PIAS1: variants seen among roughly 807,000 people sequenced by gnomAD.
PIAS1 encodes E3 SUMO-protein ligase PIAS1.
In PIAS1, 6 loss-of-function variants were observed where a neutral mutation model predicts 71.3. The ratio of observed to expected loss-of-function variants is 0.08; its 90% CI spans 0.05 to 0.17. PIAS1 has a LOEUF of 0.17. Among genes scored for constraint, PIAS1 ranks in the 10% least tolerant of loss-of-function variants. The probability of loss-of-function intolerance (pLI) is 1.00; values close to 1 mark genes in which losing one functional copy is unlikely to be tolerated. For missense variants in PIAS1, 555 were observed against 793.6 expected (o/e 0.70, Z 3.61); for synonymous variants, 303 against 292.9 (o/e 1.03, Z -0.35).
At chr15:68,078,089 G>A (rs1479323983) in intron 1 of PIAS1, among the ~76,000 whole-genome samples, 4 of 152,236 alleles carry the variant, frequency 2.6e-5, no homozygotes, top group African/African-American at 9.6e-5. Flanking sequence ...TAAGGGGACA[G>A]TTAGGAAAGA....
chr15:68,114,291 T>G (rs2092547489), intron 2 of PIAS1, among the ~76,000 whole-genome samples: 1 of 152,092 alleles, frequency 6.6e-6, no homozygotes, highest in Admixed American at 6.6e-5. Context: ...GACTGTATTC[T>G]CATATCATTA....
chr15:68,095,723 G>A (rs973937536), intron 2 of PIAS1, among the ~76,000 whole-genome samples: 2 of 151,892 alleles, frequency 1.3e-5, no homozygotes, highest in African/African-American at 4.8e-5. Flanking sequence ...TAGAGACAGG[G>A]TTTCATCATG....
intron 1 of PIAS1, chr15:68,055,085 C>A: frequency 4.8e-6 from 2 of 414,924 alleles, no homozygotes; most frequent in Non-Finnish European, 6.5e-6. Context: ...GAGAAACCCC[C>A]TCGAAGAGTG....
chr15:68,127,208 G>T (rs903574788), intron 2 of PIAS1, among the ~76,000 whole-genome samples: 3 of 152,114 alleles, frequency 2.0e-5, no homozygotes, highest in Non-Finnish European at 4.4e-5. Context: ...ACAGGCTTGA[G>T]CCACCGCGCC....
chr15:68,099,676 G>GTT (rs147098515), intron 2 of PIAS1, among the ~76,000 whole-genome samples: 1 of 145,108 alleles, frequency 6.9e-6, no homozygotes, highest in Non-Finnish European at 1.5e-5. Context: ...GTTTTTGGGG[G>GTT]TTTTTTTTTT....
At chr15:68,180,736 G>T (rs1725895184) in intron 11 of PIAS1, among the ~76,000 whole-genome samples, 2 of 152,178 alleles carry the variant, frequency 1.3e-5, no homozygotes, top group South Asian at 4.1e-4. Context: ...GGGCCAGCTG[G>T]TAACTCCGAA....
chr15:68,170,841 A>G (rs1263973337), intron 8 of PIAS1, among the ~76,000 whole-genome samples: 3 of 152,130 alleles, frequency 2.0e-5, no homozygotes, highest in Non-Finnish European at 4.4e-5. Flanking sequence ...GAGTTGCGCC[A>G]TGTTGGCCAG....
chr15:68,077,493 G>A (rs550261628), intron 1 of PIAS1, among the ~76,000 whole-genome samples: 11 of 152,144 alleles, frequency 7.2e-5, no homozygotes, highest in Admixed American at 4.6e-4. Context: ...GCCATTGGGC[G>A]GACTTTAAAG....
chr15:68,069,848 A>G (rs918616287), intron 1 of PIAS1, among the ~76,000 whole-genome samples: 1 of 151,952 alleles, frequency 6.6e-6, no homozygotes, highest in Non-Finnish European at 1.5e-5. Context: ...TACTCCTGTA[A>G]CTATATGAAA....
In PIAS1 at chr15:68,142,301, G is replaced by T. The variant is rs763150181; in HGVS notation, c.566G>T (p.Gly189Val). Residue 189 changes from glycine to valine, a missense_variant, in exon 4 of 14, where the codon GGG becomes GTG. By Grantham distance (109) the Gly-to-Val change is moderately radical (BLOSUM62 -3). Coordinates refer to ENST00000249636, the MANE Select transcript of PIAS1 (RefSeq NM_016166.3). ...TCTGTCTCTTCTAGGGATATTTCTG[G>T]GACCAAATGTGACTTCACAGTACAG... ...QQISSSMDIS[G>V]TKCDFTVQVQ... 6.2e-6 allele frequency: 10 copies of T among 1,605,754 alleles called. No homozygotes were observed. Among genetic ancestry groups the T allele is most frequent in the Non-Finnish European group, 7.7e-6 (9 of 1,173,196 alleles).
chr15:68,118,660 T>C (rs1953413307), intron 2 of PIAS1, among the ~76,000 whole-genome samples: 1 of 152,206 alleles, frequency 6.6e-6, no homozygotes, highest in African/African-American at 2.4e-5. Flanking sequence ...TTTTTGACAG[T>C]AGCCATTCTA....
chr15:68,110,233 G>A (rs1035281447), intron 2 of PIAS1, among the ~76,000 whole-genome samples: 3 of 152,058 alleles, frequency 2.0e-5, no homozygotes, highest in Non-Finnish European at 4.4e-5. Flanking sequence ...AAATGTACAG[G>A]ACCTATTTGA....
intron 4 of PIAS1, among the ~76,000 whole-genome samples, chr15:68,144,346 A>G (rs1279817931): frequency 6.6e-6 from 1 of 152,104 alleles, no homozygotes; most frequent in African/African-American, 2.4e-5. Flanking sequence ...AGTTTTCTTT[A>G]TTAGACACCT....
At chr15:68,110,629 G>T (rs1421683570) in intron 2 of PIAS1, among the ~76,000 whole-genome samples, 2 of 151,994 alleles carry the variant, frequency 1.3e-5, no homozygotes, top group Non-Finnish European at 1.5e-5. Flanking sequence ...GGGCATGGTG[G>T]TGCGTGCCTG....
At chr15:68,179,564 C>CTTGTTTTTTTTTTT (rs2093040106) in intron 11 of PIAS1, among the ~76,000 whole-genome samples, 1 of 40,094 alleles carries the variant, frequency 2.5e-5, no homozygotes, top group East Asian at 1.0e-3. Flanking sequence ...GTGAAATGTT[C>CTTGTTTTTTTTTTT]TTTTTTTTTT....
At chr15:68,073,056 C>T (rs527786273) in intron 1 of PIAS1, among the ~76,000 whole-genome samples, 1 of 152,230 alleles carries the variant, frequency 6.6e-6, no homozygotes, top group South Asian at 2.1e-4. Flanking sequence ...TGCTCTGTCG[C>T]CCAGGCTGGA....
chr15:68,099,130 T>G (rs899326215), intron 2 of PIAS1, among the ~76,000 whole-genome samples: 2 of 151,858 alleles, frequency 1.3e-5, no homozygotes. Context: ...GAGGGTGAAG[T>G]TTGTTGTTGT....
chr15:68,091,568 T>G (rs2092332794), intron 2 of PIAS1, among the ~76,000 whole-genome samples: 1 of 152,204 alleles, frequency 6.6e-6, no homozygotes, highest in African/African-American at 2.4e-5. Context: ...ATATTTTTAA[T>G]TATTTCAAAG....
chr15:68,079,687 C>T (rs755477693), intron 1 of PIAS1, among the ~76,000 whole-genome samples: 1 of 151,772 alleles, frequency 6.6e-6, no homozygotes, highest in Non-Finnish European at 1.5e-5. Flanking sequence ...CTGTATTGCC[C>T]AGGCTGGTCT....
Sources: allele counts gnomAD v4.1 joint callset (sites outside exome capture counted in the v4.1 genomes callset), GRCh38; gene constraint gnomAD v4.1.1; transcripts MANE v1.5; gene names NCBI Gene and HGNC (gene_info 2026-07-23, HGNC 2026-07-21).